Variants in HELZ observed in about 807,000 individuals in gnomAD.
The protein encoded by HELZ is helicase with zinc finger.
Under a neutral mutation model 218.2 loss-of-function variants are expected in HELZ, and 23 were observed. That is an observed-to-expected ratio of 0.11 (90% CI 0.08 to 0.15). The LOEUF (loss-of-function observed/expected upper bound fraction) is 0.15. Ranked by LOEUF, HELZ falls within the 10% of genes least tolerant of loss-of-function variation. The pLI is 1.00. For missense variants in HELZ, 1,813 were observed against 2,353.7 expected, an observed-to-expected ratio of 0.77 and a Z score of 4.75; for synonymous variants, 814 against 829.4, an observed-to-expected ratio of 0.98 and a Z score of 0.32.
At chr17:67,087,655 CTTT>C (rs1380067238) in intron 31 of HELZ, among the ~76,000 whole-genome samples, 1 of 152,172 alleles carries the variant, frequency 6.6e-6, no homozygotes, top group Non-Finnish European at 1.5e-5. Context: ...CACTGCATTT[CTTT>C]TAGTCAAACG....
chr17:67,136,940 T>C (rs2038171633), intron 22 of HELZ, among the ~76,000 whole-genome samples: 1 of 152,122 alleles, frequency 6.6e-6, no homozygotes, highest in Non-Finnish European at 1.5e-5. Flanking sequence ...AAATGGTCAA[T>C]TTTACATCAT....
At chr17:67,174,847 C>T (rs2039410549) in intron 13 of HELZ, among the ~76,000 whole-genome samples, 1 of 152,032 alleles carries the variant, frequency 6.6e-6, no homozygotes, top group South Asian at 2.1e-4. Flanking sequence ...TGTCAAAGTT[C>T]ACAGAGGACT....
intron 15 of HELZ, 56 bp from the exon 16 acceptor site, chr17:67,161,132 T>C: frequency 1.5e-6 from 2 of 1,311,770 alleles, no homozygotes; most frequent in Admixed American, 2.1e-5. Context: ...AAATAGAACA[T>C]AACACACGAG....
At chr17:67,148,388 A>C (rs1012588627) in intron 20 of HELZ, among the ~76,000 whole-genome samples, 181 bp downstream of exon 20, 1 of 152,218 alleles carries the variant, frequency 6.6e-6, no homozygotes, top group African/African-American at 2.4e-5. Flanking sequence ...TCTGTGAAAA[A>C]TTACAACTCT....
At chr17:67,171,038 T>C (rs973680524) in intron 13 of HELZ, among the ~76,000 whole-genome samples, 1 of 134,584 alleles carries the variant, frequency 7.4e-6, no homozygotes, top group Non-Finnish European at 1.6e-5. Context: ...TGATGTACAG[T>C]TTTTTTTTTT....
At chr17:67,145,090 G>A (rs1325699965) in intron 21 of HELZ, among the ~76,000 whole-genome samples, 2 of 152,118 alleles carry the variant, frequency 1.3e-5, no homozygotes, top group Non-Finnish European at 2.9e-5. Flanking sequence ...GAGATCAAGA[G>A]CCATGCCGCC....
intron 12 of HELZ, among the ~76,000 whole-genome samples, chr17:67,187,241 A>T (rs1358855943): frequency 1.3e-5 from 2 of 152,188 alleles, no homozygotes; most frequent in Non-Finnish European, 2.9e-5. Context: ...AGATGACAAA[A>T]ATACATACTA....
intron 7 of HELZ, among the ~76,000 whole-genome samples, chr17:67,195,852 C>CTTTTTTTTTTTTTTTTT (rs1238942016): frequency 2.4e-5 from 2 of 84,842 alleles, no homozygotes; most frequent in Non-Finnish European, 4.7e-5. Context: ...TTTTTTTTTT[C>CTTTTTTTTTTTTTTTTT]TTTTTTTTTT....
intron 17 of HELZ, among the ~76,000 whole-genome samples, chr17:67,159,010 T>C (rs555716089): frequency 1.3e-5 from 2 of 152,268 alleles, no homozygotes; most frequent in South Asian, 2.1e-4. Flanking sequence ...ACACTTCCTA[T>C]GTAACACACA....
At chr17:67,162,322 A>C (rs1388400974) in intron 15 of HELZ, among the ~76,000 whole-genome samples, 1 of 152,168 alleles carries the variant, frequency 6.6e-6, no homozygotes, top group African/African-American at 2.4e-5. Context: ...AAAAATGTAA[A>C]ACCTTAGAAA....
At chr17:67,149,772 T>TATG in intron 19 of HELZ, 95 bp downstream of exon 19, 1 of 643,316 alleles carries the variant, frequency 1.6e-6, no homozygotes, top group Non-Finnish European at 2.7e-6. Flanking sequence ...TTATAATGCA[T>TATG]GGCATAATGT....
chr17:67,209,605 A>G (rs1303851614), intron 5 of HELZ, among the ~76,000 whole-genome samples: 1 of 152,152 alleles, frequency 6.6e-6, no homozygotes, highest in Non-Finnish European at 1.5e-5. Context: ...CTCAAAAACA[A>G]AACAAAACAA....
intron 10 of HELZ, 136 bp from the exon 11 acceptor site, chr17:67,189,832 T>A: frequency 1.6e-6 from 1 of 628,272 alleles, no homozygotes; most frequent in Non-Finnish European, 2.8e-6. Context: ...ATACCTTCAT[T>A]TTCAGTAATT....
At chr17:67,227,897 A>G (rs1049449389) in intron 3 of HELZ, among the ~76,000 whole-genome samples, 1 of 152,260 alleles carries the variant, frequency 6.6e-6, no homozygotes, top group Admixed American at 6.5e-5. Flanking sequence ...TTTGATCTCA[A>G]AAGACCAAAT....
At chr17:67,129,329 C>T (rs1281678088) in intron 23 of HELZ, among the ~76,000 whole-genome samples, 5 of 151,576 alleles carry the variant, frequency 3.3e-5, no homozygotes, top group African/African-American at 4.8e-5. Context: ...TACATATACA[C>T]GCATGTATAT....
chr17:67,156,011 C>CAT (rs10629264), intron 17 of HELZ, among the ~76,000 whole-genome samples: 88,447 of 147,268 alleles, frequency 0.6, 27,796 homozygotes, highest in East Asian at 0.88. Flanking sequence ...TATATACACA[C>CAT]ATAATTTTTA....
intron 23 of HELZ, among the ~76,000 whole-genome samples, chr17:67,132,024 T>C (rs906375112): frequency 6.6e-6 from 1 of 151,352 alleles, no homozygotes; most frequent in Non-Finnish European, 1.5e-5. Flanking sequence ...AATATTATGT[T>C]ACCCATTTTT....
At chr17:67,090,872 T>C (rs2036556059) in intron 31 of HELZ, among the ~76,000 whole-genome samples, 1 of 151,038 alleles carries the variant, frequency 6.6e-6, no homozygotes, top group Admixed American at 7.0e-5. Context: ...TTGAATTGTA[T>C]TGAATTCTGT....
chr17:67,086,638 ATATATATATAT>A (rs1567787948), intron 32 of HELZ, among the ~76,000 whole-genome samples, 180 bp downstream of exon 32: 45 of 123,064 alleles, frequency 3.7e-4, no homozygotes, highest in African/African-American at 1.2e-3. Context: ...ATAAATATAT[ATATATATATAT>A]ATATATATAT....
Sources: allele counts gnomAD v4.1 joint callset (sites outside exome capture counted in the v4.1 genomes callset), GRCh38; gene constraint gnomAD v4.1.1; transcripts MANE v1.5; gene names NCBI Gene and HGNC (gene_info 2026-07-23, HGNC 2026-07-21).